Variants in CSMD2 observed in about 807,000 individuals in gnomAD.
The protein encoded by CSMD2 is CUB and Sushi multiple domains 2.
CSMD2 carries 130 observed loss-of-function variants against 398.5 expected under a neutral mutation model. The ratio of observed to expected loss-of-function variants is 0.33; its 90% CI spans 0.28 to 0.38. The LOEUF (loss-of-function observed/expected upper bound fraction) is 0.38. Ranked by LOEUF, CSMD2 falls within the 10% of genes least tolerant of loss-of-function variation. CSMD2 has a pLI of 1.00. For synonymous variants in CSMD2, 1,828 were observed against 1,908.5 expected (o/e 0.96, Z 1.10); for missense variants, 3,829 against 4,764.9 (o/e 0.80, Z 5.78).
At chr1:33,750,370 C>T (rs1253459070) in intron 13 of CSMD2, among the ~76,000 whole-genome samples, 2 of 152,184 alleles carry the variant, frequency 1.3e-5, no homozygotes, top group East Asian at 1.9e-4. Context: ...TTAACTCTCA[C>T]AGCAACCCTC....
chr1:33,709,355 G>T, intron 21 of CSMD2, 97 bp from the exon 22 acceptor site: 1 of 1,102,294 alleles, frequency 9.1e-7, no homozygotes, highest in South Asian at 1.6e-5. Context: ...ATGACAAGTC[G>T]TTTGCCTGTC....
chr1:33,620,451 T>C (rs138804731), intron 37 of CSMD2, among the ~76,000 whole-genome samples: 1 of 152,186 alleles, frequency 6.6e-6, no homozygotes, highest in African/African-American at 2.4e-5. Flanking sequence ...ACATGAAATG[T>C]CAGCTACTGG....
At chr1:33,709,049 C>T in intron 22 of CSMD2, 40 bp downstream of exon 22, 2 of 1,535,680 alleles carry the variant, frequency 1.3e-6, no homozygotes, top group Non-Finnish European at 1.8e-6. Flanking sequence ...TAGACTATTG[C>T]ATACTATAAC....
At chr1:33,986,831 C>T (rs79186786) in intron 3 of CSMD2, among the ~76,000 whole-genome samples, 6,416 of 152,264 alleles carry the variant, frequency 0.042, 463 homozygotes, top group African/African-American at 0.15. Flanking sequence ...GGCTCCTTTC[C>T]TCCTCTGTTC....
chr1:33,633,946 G>C lies in CSMD2; in HGVS notation c.5087-411C>G, dbSNP rs2148910267. On this transcript the variant is annotated intron_variant, in intron 31 of 70. Transcript: ENST00000373381. This position sits in a 1 kb window ranked among gnomAD's most constrained non-coding sequence, Gnocchi z 5.0. Reference sequence around the variant, plus strand: ...CATTCATGCGTCCCAACGTCAGTTAGTCAGTGTCATTGAGTTGAAAACTGT... The same window carrying C: ...CATTCATGCGTCCCAACGTCAGTTACTCAGTGTCATTGAGTTGAAAACTGT... 6.6e-6 allele frequency among the ~76,000 whole-genome samples: 1 copy of C among 152,346 alleles called. No homozygotes were observed. The highest frequency in any genetic ancestry group is 1.9e-4 in the East Asian group (1 of 5,176).
chr1:33,961,060 C>A (rs542708696), intron 3 of CSMD2, among the ~76,000 whole-genome samples: 20 of 152,236 alleles, frequency 1.3e-4, no homozygotes, highest in African/African-American at 4.8e-4. Flanking sequence ...GCCATCAATG[C>A]GCTACAGCGC....
intron 7 of CSMD2, among the ~76,000 whole-genome samples, chr1:33,825,406 T>G (rs1450890895): frequency 2.0e-5 from 3 of 151,710 alleles, no homozygotes; most frequent in Non-Finnish European, 4.4e-5. Context: ...AAAAGGAAAA[T>G]AAAGAGAGAA....
chr1:34,039,892 C>T (rs935018957), intron 2 of CSMD2, among the ~76,000 whole-genome samples: 1 of 152,160 alleles, frequency 6.6e-6, no homozygotes, highest in African/African-American at 2.4e-5. Context: ...GTGGCTCACA[C>T]CTGTAATCCC....
chr1:33,643,774 A>G (rs1374152024), intron 29 of CSMD2, among the ~76,000 whole-genome samples: 1 of 152,166 alleles, frequency 6.6e-6, no homozygotes, highest in African/African-American at 2.4e-5. Context: ...GCATAGGCAG[A>G]AGCAGACCAG....
rs1570986098 is a variant in CSMD2, at chr1:33,624,740, C to T, written c.5501-97G>A. On this transcript the variant is annotated intron_variant, in intron 34 of 70. Coordinates refer to ENST00000373381, the MANE Select transcript of CSMD2 (RefSeq NM_001281956.2). This position sits in a 1 kb window ranked among gnomAD's most constrained non-coding sequence, Gnocchi z 4.7. ...TCATGGCCCCCAGCCTCTGTTTGTC[C>T]TCCTCCCCATGGGGGTGTCTCCCTA... 2.7e-6 allele frequency: 4 copies of T among 1,485,280 alleles called. No individual in the cohort carries two copies. The South Asian group carries it at 5.1e-5, about 19-fold the overall frequency. The allele number at this position is 1,485,280 out of a possible 1,614,324, so 92.0% of individuals were successfully genotyped here. A position where few individuals can be genotyped will look rare whatever the true frequency, so the allele number is the denominator to read the frequency against.
chr1:33,768,248 G>A (rs1412875421), intron 13 of CSMD2, among the ~76,000 whole-genome samples: 1 of 152,112 alleles, frequency 6.6e-6, no homozygotes, highest in Non-Finnish European at 1.5e-5. Flanking sequence ...AGTTATCCTA[G>A]ACTAGTCGTT....
intron 27 of CSMD2, among the ~76,000 whole-genome samples, chr1:33,656,702 T>C (rs1643957922): frequency 6.6e-6 from 1 of 152,246 alleles, no homozygotes; most frequent in African/African-American, 2.4e-5. Context: ...GCATTCAGAC[T>C]GGCGTGGGTG....
intron 3 of CSMD2, among the ~76,000 whole-genome samples, chr1:33,996,322 G>A (rs1010931411): frequency 2.6e-5 from 4 of 152,232 alleles, no homozygotes; most frequent in Non-Finnish European, 5.9e-5. Flanking sequence ...AGAGGATGAT[G>A]ACAAGCCATA....
At chr1:33,993,303 ATTTATT>A (rs1449400871) in intron 3 of CSMD2, among the ~76,000 whole-genome samples, 1 of 152,210 alleles carries the variant, frequency 6.6e-6, no homozygotes, top group Non-Finnish European at 1.5e-5. Flanking sequence ...TACTATTAAC[ATTTATT>A]TTTATTATTT....
intron 47 of CSMD2, among the ~76,000 whole-genome samples, chr1:33,581,207 G>A (rs948391302): frequency 2.0e-5 from 3 of 151,930 alleles, no homozygotes; most frequent in South Asian, 2.1e-4. Context: ...TTTTCAAACT[G>A]GGAACTTCTT....
chr1:33,600,327 T>C lies in CSMD2; in HGVS notation c.6856+538A>G, dbSNP rs183611371. 97 of 591,456 alleles carry C rather than the reference T, an allele frequency of 1.6e-4. No individual in the cohort carries two copies. In the African/African-American group the frequency reaches 1.7e-3, roughly 10 times the overall value. The allele number at this position is 591,456 out of a possible 1,614,324, so 36.6% of individuals were successfully genotyped here. On this transcript the variant is annotated intron_variant, in intron 44 of 70. Transcript: ENST00000373381. Reference sequence around the variant, plus strand: ...TATAAGTTTCTCTAGGCAATTCCACTATAATAAAAATGAGGAAATATCCAG... The same window carrying C: ...TATAAGTTTCTCTAGGCAATTCCACCATAATAAAAATGAGGAAATATCCAG...
intron 5 of CSMD2, among the ~76,000 whole-genome samples, chr1:33,886,028 G>A (rs764369762): frequency 6.6e-5 from 10 of 152,188 alleles, no homozygotes; most frequent in Admixed American, 2.0e-4. Context: ...GCCCCAAAGT[G>A]CCTAGAAAGG....
chr1:33,987,690 T>C (rs986690686), intron 3 of CSMD2, among the ~76,000 whole-genome samples: 1 of 152,074 alleles, frequency 6.6e-6, no homozygotes, highest in East Asian at 1.9e-4. Flanking sequence ...AATTAAGTCC[T>C]AGACATTTCT....
At chr1:33,848,253 A>G (rs1270939752) in intron 5 of CSMD2, among the ~76,000 whole-genome samples, 4 of 152,218 alleles carry the variant, frequency 2.6e-5, no homozygotes, top group Non-Finnish European at 5.9e-5. Context: ...TGGAGCAGAG[A>G]GAAAATAGTT....
Sources: gnomAD v4.1 joint callset for allele counts (sites outside exome capture counted in the v4.1 genomes callset) on GRCh38, gnomAD v4.1.1 for gene constraint, Gnocchi (gnomAD v3.1) non-coding constraint, MANE v1.5 for transcripts, NCBI Gene and HGNC (gene_info 2026-07-23, HGNC 2026-07-21) for gene names.